The following STIM1 variants were observed in gnomAD, a reference collection of about 807,000 sequenced individuals.
The protein encoded by STIM1 is stromal interaction molecule 1.
In STIM1, 25 loss-of-function variants were observed where a neutral mutation model predicts 74.7. The observed-to-expected ratio is 0.33, with a 90% CI of 0.24 to 0.47. The LOEUF (loss-of-function observed/expected upper bound fraction) is 0.47, where lower values mean the gene tolerates loss of function less well. Ranked by LOEUF, STIM1 falls within the 20% of genes least tolerant of loss-of-function variation. STIM1 has a pLI of 1.00. For synonymous variants in STIM1, 328 were observed against 348.8 expected (o/e 0.94, Z 0.66); for missense variants, 728 against 920.8 (o/e 0.79, Z 2.71).
chr11:4,018,166 T>C (rs762284947), intron 2 of STIM1, among the ~76,000 whole-genome samples: 26 of 149,238 alleles, frequency 1.7e-4, no homozygotes, highest in Non-Finnish European at 3.3e-4. Context: ...AAATACAAAA[T>C]TGGCTGGGCG....
chr11:4,083,225 C>T, intron 9 of STIM1, 38 bp from the exon 10 acceptor site: 2 of 1,601,528 alleles, frequency 1.2e-6, no homozygotes, highest in Non-Finnish European at 1.7e-6. Context: ...GGGCTCACAC[C>T]AAGTCCATGC....
chr11:3,935,507 G>A (rs2135578198), intron 1 of STIM1, among the ~76,000 whole-genome samples: 1 of 152,344 alleles, frequency 6.6e-6, no homozygotes, highest in South Asian at 2.1e-4. Context: ...GGGCACAGTA[G>A]ACATTCTGGG....
At chr11:4,089,946 A>G (rs954113160) in intron 12 of STIM1, among the ~76,000 whole-genome samples, 11 of 152,168 alleles carry the variant, frequency 7.2e-5, no homozygotes, top group African/African-American at 2.7e-4. Context: ...GAGCACCTCC[A>G]TATCTACCTT....
chr11:3,960,813 A>G (rs2093277218), intron 1 of STIM1, among the ~76,000 whole-genome samples: 1 of 152,254 alleles, frequency 6.6e-6, no homozygotes, highest in Non-Finnish European at 1.5e-5. Flanking sequence ...TCTGTCTTCT[A>G]TTAAGCCAGA....
rs145784606 is a variant in STIM1 at position 4,042,242 on chromosome 11, C to T, written c.386-13284C>T. ...TACTGTTCCTTCTGCCTGGTATGCC[C>T]TTCCCCCAAATGTCCACATGCCTCA... On this transcript the variant is annotated intron_variant, in intron 3 of 12. Coordinates refer to ENST00000526596, the MANE Select transcript of STIM1 (RefSeq NM_001382567.1). 5.3e-5 allele frequency among the ~76,000 whole-genome samples: 8 copies of T among 152,332 alleles called. No individual in the cohort carries two copies. In the East Asian group the frequency reaches 1.3e-3, roughly 26 times the overall value.
chr11:4,092,701 T>A lies in STIM1; in HGVS notation c.*903T>A, dbSNP rs967925413. 6.6e-6 allele frequency: 1 copy of A among 152,156 alleles called. No individual in the cohort carries two copies. The highest frequency in any genetic ancestry group is 2.4e-5 in the African/African-American group (1 of 41,434). The allele number at this position is 152,156 out of a possible 1,614,324, so 9.4% of individuals were successfully genotyped here. A position where few individuals can be genotyped will look rare whatever the true frequency, so the allele number is the denominator to read the frequency against. ...AGCCACAGCCATGATACAGGGCTCT[T>A]ATGGAGCCCTGGAGTTGTTGGGCAA... is the stretch of plus-strand genomic sequence containing the variant. On this transcript the variant is annotated 3_prime_UTR_variant, in exon 13 of 13. Coordinates refer to ENST00000526596, the MANE Select transcript of STIM1 (RefSeq NM_001382567.1).
intron 1 of STIM1, among the ~76,000 whole-genome samples, chr11:3,900,154 C>G (rs1004939643): frequency 2.0e-5 from 3 of 152,208 alleles, no homozygotes; most frequent in African/African-American, 7.2e-5. Context: ...GACCCTCCCC[C>G]AGCCTCACTG....
intron 1 of STIM1, among the ~76,000 whole-genome samples, chr11:3,940,689 G>T (rs2092994109): frequency 1.3e-5 from 2 of 152,146 alleles, no homozygotes; most frequent in Admixed American, 6.5e-5. Context: ...AAACTGGAAA[G>T]GTTGGTTAGC....
chr11:4,089,346 C>G (rs898020279), intron 12 of STIM1, among the ~76,000 whole-genome samples: 1 of 152,110 alleles, frequency 6.6e-6, no homozygotes, highest in Admixed American at 6.5e-5. Context: ...AGGGTAGGAT[C>G]CCAGAATCTT....
chr11:4,004,094 T>C (rs1014609742), intron 2 of STIM1, among the ~76,000 whole-genome samples: 45 of 152,018 alleles, frequency 3.0e-4, no homozygotes, highest in Non-Finnish European at 5.4e-4. Context: ...TAAAAGAGGA[T>C]ACAAACAAAT....
At chr11:3,926,567 G>A (rs181892894) in intron 1 of STIM1, among the ~76,000 whole-genome samples, 2 of 152,270 alleles carry the variant, frequency 1.3e-5, no homozygotes, top group East Asian at 1.9e-4. Flanking sequence ...ATAAAAGTTT[G>A]TAGTATCATA....
intron 1 of STIM1, among the ~76,000 whole-genome samples, chr11:3,860,153 A>G (rs1376975167): frequency 1.3e-5 from 2 of 152,248 alleles, no homozygotes; most frequent in South Asian, 2.1e-4. Context: ...GGATGCTATC[A>G]TGGAGAATGA....
chr11:3,917,271 G>C (rs1008492512), intron 1 of STIM1, among the ~76,000 whole-genome samples: 3 of 152,064 alleles, frequency 2.0e-5, no homozygotes, highest in African/African-American at 7.2e-5. Flanking sequence ...CCCAGCCCTG[G>C]GTATGGCTTC....
intron 3 of STIM1, among the ~76,000 whole-genome samples, chr11:4,039,519 G>A: frequency 7.1e-6 from 1 of 140,066 alleles, no homozygotes; most frequent in South Asian, 2.5e-4. Flanking sequence ...CCAGGAGGCA[G>A]AGGTTGCAGT....
At chr11:3,989,300 C>G in intron 2 of STIM1, 1 of 936,878 alleles carries the variant, frequency 1.1e-6, no homozygotes, top group Non-Finnish European at 1.8e-6. Flanking sequence ...CCCCTTTTCC[C>G]TTTTGTTTGC....
chr11:3,897,722 T>C (rs950753766), intron 1 of STIM1, among the ~76,000 whole-genome samples: 2 of 149,650 alleles, frequency 1.3e-5, no homozygotes, highest in African/African-American at 4.9e-5. Flanking sequence ...TGTCCATGTG[T>C]TCTCATTGTT....
chr11:3,929,770 G>A (rs1453963901), intron 1 of STIM1, among the ~76,000 whole-genome samples: 3 of 152,130 alleles, frequency 2.0e-5, no homozygotes, highest in Non-Finnish European at 4.4e-5. Context: ...AGTGGACCCC[G>A]TTCTGCAATC....
rs185326518 is a variant in STIM1, at chr11:4,007,021, A to C, written c.271-16852A>C. Among the ~76,000 whole-genome samples the C allele has an allele frequency of 4.0e-3, 605 of 152,270 alleles. 4 individuals are homozygous for C. Among genetic ancestry groups the C allele is most frequent in the Non-Finnish European group, 6.5e-3 (444 of 68,016 alleles). ...AGCTGGCTGGGCCTATTTTGTAGAAATTATAGAGAGATGTCTCCCCTCTTC... is the reference window on the plus strand; with the variant it reads ...AGCTGGCTGGGCCTATTTTGTAGAACTTATAGAGAGATGTCTCCCCTCTTC... On this transcript the variant is annotated intron_variant, in intron 2 of 12. Transcript: ENST00000526596.
chr11:3,873,270 T>C (rs967062467), intron 1 of STIM1, among the ~76,000 whole-genome samples: 2 of 151,810 alleles, frequency 1.3e-5, no homozygotes, highest in Non-Finnish European at 2.9e-5. Flanking sequence ...ACAAAAAAAT[T>C]AGCTGAGCGT....
Sources: gnomAD v4.1 joint callset for allele counts (sites outside exome capture counted in the v4.1 genomes callset) on GRCh38, gnomAD v4.1.1 for gene constraint, MANE v1.5 for transcripts, NCBI Gene and HGNC (gene_info 2026-07-23, HGNC 2026-07-21) for gene names.